NECAB3: variants seen among roughly 807,000 people sequenced by gnomAD.
The protein encoded by NECAB3 is N-terminal EF-hand calcium binding protein 3, also known as N-terminal EF-hand calcium-binding protein 3.
In NECAB3, 38 loss-of-function variants were observed where a neutral mutation model predicts 57.2. That is an observed-to-expected ratio of 0.66 (90% CI 0.51 to 0.87). The LOEUF (loss-of-function observed/expected upper bound fraction) is 0.87. Among genes scored for constraint, NECAB3 ranks in the 40% least tolerant of loss-of-function variants. NECAB3 has a pLI of 0.00. For missense variants in NECAB3, 474 were observed against 527.5 expected (o/e 0.90, Z 0.99); for synonymous variants, 223 against 222.6 (o/e 1.00, Z -0.02).
intron 5 of NECAB3, chr20:33,662,331 G>A: frequency 6.4e-7 from 1 of 1,550,776 alleles, no homozygotes; most frequent in East Asian, 2.4e-5. Context: ...GTCCCCAGTG[G>A]TGACCAGCCC....
chr20:33,660,442 A>G lies in NECAB3; in HGVS notation c.388-47T>C. The G allele has an allele frequency of 6.3e-7, 1 of 1,599,802 alleles. No homozygotes were observed. The highest frequency in any genetic ancestry group is 1.3e-5 in the African/African-American group (1 of 74,848). ...TCAGCATCTCCCAGCCCGGGCACTG[A>G]TCTCTTGAGTGGGTCCCCTGCCTCT... is the stretch of plus-strand genomic sequence containing the variant. On this transcript the variant is annotated intron_variant, in intron 5 of 11. Coordinates refer to ENST00000246190, the MANE Select transcript of NECAB3 (RefSeq NM_031232.4). The surrounding 1 kb of genome is among the most constrained non-coding windows in gnomAD (Gnocchi z 4.1).
rs1423307123 is a variant in NECAB3 at position 33,658,483 on chromosome 20, C to G, written c.1064G>C (p.Trp355Ser). The G allele has an allele frequency of 6.2e-7, 1 of 1,614,004 alleles. No homozygotes were observed. Among genetic ancestry groups the G allele is most frequent in the East Asian group, 2.2e-5 (1 of 44,868 alleles). Reference sequence around the variant, plus strand: ...GCCAGACTGGCACTCATACCTTCTCCAGGAGGCCTCATCCTGCCAGAACTC... The same window carrying G: ...GCCAGACTGGCACTCATACCTTCTCGAGGAGGCCTCATCCTGCCAGAACTC... Reference protein sequence around the residue: ...LYEFWQDEASWRRHQQSPGSK... With the variant: ...LYEFWQDEASSRRHQQSPGSK... The change falls in exon 10 of 12, where the codon TGG becomes TCG. Residue 355 changes from tryptophan (W) to serine (S), a missense_variant. Coordinates refer to ENST00000246190, the MANE Select transcript of NECAB3 (RefSeq NM_031232.4).
rs755298550 is a variant in NECAB3 at position 33,659,751 on chromosome 20, C to T, written c.644-19G>A. ...CTGCGCCCTGTGTGTGGGGCCCGTG[C>T]AGGGTCAGGCAGGGGCCTCTCAGGT... On this transcript the variant is annotated intron_variant, in intron 7 of 11. Transcript: ENST00000246190. 3.8e-6 allele frequency: 6 copies of T among 1,563,060 alleles called. No homozygotes were observed. Among genetic ancestry groups the T allele is most frequent in the Admixed American group, 1.8e-5 (1 of 55,214 alleles).
intron 8 of NECAB3, 110 bp downstream of exon 8, chr20:33,659,387 G>C: frequency 1.1e-6 from 1 of 934,448 alleles, no homozygotes. Context: ...CCTGGGGGCG[G>C]GGCACATGCG....
intron 5 of NECAB3, chr20:33,668,546 A>C: frequency 3.2e-6 from 1 of 313,366 alleles, no homozygotes; most frequent in Non-Finnish European, 6.2e-6. Context: ...AGTTCCTCCA[A>C]ACCCTCGTCA....
rs546674903 is a variant in NECAB3 at position 33,658,848 on chromosome 20, C to T, written c.880-14G>A. 1 of 1,603,130 alleles carries T rather than the reference C, an allele frequency of 6.2e-7. No individual in the cohort carries two copies. Among genetic ancestry groups the T allele is most frequent in the East Asian group, 2.2e-5 (1 of 44,776 alleles). ...CATGAGGATGTGCTGGTGGGAGAGG[C>T]AGCCGGTCAGCTGGTGCGGGGCCGG... is the stretch of plus-strand genomic sequence containing the variant. On this transcript the variant is annotated splice_polypyrimidine_tract_variant and intron_variant, in intron 8 of 11. Coordinates refer to ENST00000246190, the MANE Select transcript of NECAB3 (RefSeq NM_031232.4).
At chr20:33,671,333 T>C (rs2017823811) in intron 2 of NECAB3, among the ~76,000 whole-genome samples, 1 of 152,156 alleles carries the variant, frequency 6.6e-6, no homozygotes, top group African/African-American at 2.4e-5. Context: ...GGAGTACTTA[T>C]GTGGGACAAA....
At chr20:33,658,885 G>T in intron 8 of NECAB3, 51 bp from the exon 9 acceptor site, 1 of 1,384,420 alleles carries the variant, frequency 7.2e-7, no homozygotes, top group Non-Finnish European at 1.0e-6. Context: ...CACAGGGGAG[G>T]GACTGGCTGT....
chr20:33,669,662 AAAG>A, intron 4 of NECAB3, 22 bp downstream of exon 4: 1 of 1,579,792 alleles, frequency 6.3e-7, no homozygotes, highest in Admixed American at 1.9e-5. Context: ...CCACAGGAGA[AAAG>A]AGCTCCCATG....
In NECAB3 at chr20:33,667,718, G is replaced by C. The variant is rs572600554; in HGVS notation, c.387+1657C>G. On this transcript the variant is annotated intron_variant, in intron 5 of 11. Coordinates refer to ENST00000246190, the MANE Select transcript of NECAB3 (RefSeq NM_031232.4). ...GACCTCTTGCAGCAGGCCCTGCCCC[G>C]CAAGGCCATCACACATCTCAAGAAG... 82 of 1,612,062 alleles carry C rather than the reference G, an allele frequency of 5.1e-5. No homozygotes were observed. The Admixed American group carries it at 9.0e-4, about 18-fold the overall frequency.
At chr20:33,662,170 A>G (rs2017496618) in intron 5 of NECAB3, 6 of 781,724 alleles carry the variant, frequency 7.7e-6, no homozygotes, top group Non-Finnish European at 1.2e-5. Flanking sequence ...TTTACAGCTG[A>G]GAAACCAAGG....
intron 10 of NECAB3, 150 bp from the exon 11 acceptor site, chr20:33,658,183 C>A: frequency 1.4e-6 from 1 of 718,844 alleles, no homozygotes; most frequent in Non-Finnish European, 2.3e-6. Flanking sequence ...GAATGAAGGG[C>A]ACTGCACACG....
intron 5 of NECAB3, chr20:33,667,399 T>G: frequency 7.2e-7 from 1 of 1,388,070 alleles, no homozygotes; most frequent in Non-Finnish European, 9.3e-7. Context: ...CCCAGAGCAG[T>G]GGCCCGTGCT....
At chr20:33,668,038 A>T in intron 5 of NECAB3, 1 of 1,550,904 alleles carries the variant, frequency 6.4e-7, no homozygotes, top group Non-Finnish European at 8.7e-7. Context: ...GCGCCTGGAC[A>T]AGGAGCTGGA....
Position 33,672,412 on chromosome 20 carries a change from C to T in NECAB3, c.140G>A (p.Arg47Lys), listed in dbSNP as rs2017846273. ...GCCACACTCACCATTCTTGTCTGCT[C>T]TGCGGAAAACCTAGAGGACAAAGGG... Reference protein sequence around the residue: ...GHTLFQDVFRRADKNDDGKLS... With the variant: ...GHTLFQDVFRKADKNDDGKLS... The change falls in exon 2 of 12, where the codon AGA becomes AAA. Residue 47 changes from arginine (R) to lysine (K), a missense_variant. By Grantham distance (26) the Arg-to-Lys change is conservative (BLOSUM62 2). Coordinates refer to ENST00000246190, the MANE Select transcript of NECAB3 (RefSeq NM_031232.4). 1 of 1,614,202 alleles carries T rather than the reference C, an allele frequency of 6.2e-7. No homozygotes were observed. The highest frequency in any genetic ancestry group is 1.6e-4 in the Middle Eastern group (1 of 6,062).
In NECAB3 at chr20:33,660,231, C is replaced by A; in HGVS notation, c.524+28G>T. 6.2e-7 allele frequency: 1 copy of A among 1,607,994 alleles called. No individual in the cohort carries two copies. The highest frequency in any genetic ancestry group is 1.1e-5 in the South Asian group (1 of 90,952). ...GTACAATGGGCGCTTGTGCACTAGC[C>A]CCACAGGTTGACAGCACCCTTACAT... is the stretch of plus-strand genomic sequence containing the variant. On this transcript the variant is annotated intron_variant, in intron 6 of 11. Transcript: ENST00000246190. The surrounding 1 kb of genome is among the most constrained non-coding windows in gnomAD (Gnocchi z 4.1).
intron 5 of NECAB3, chr20:33,663,548 T>G: frequency 6.2e-7 from 1 of 1,610,664 alleles, no homozygotes; most frequent in Non-Finnish European, 8.5e-7. Context: ...ATCGTGCTGA[T>G]TCTCCCCCTG....
intron 5 of NECAB3, chr20:33,663,761 C>T (rs918334022): frequency 2.7e-6 from 4 of 1,454,866 alleles, no homozygotes; most frequent in Admixed American, 2.6e-5. Context: ...CTGAGCTGGC[C>T]GCGGCTGCTC....
At chr20:33,659,757 C>T (rs752888593) in intron 7 of NECAB3, 25 bp from the exon 8 acceptor site, 1 of 1,561,530 alleles carries the variant, frequency 6.4e-7, no homozygotes, top group East Asian at 2.4e-5. Context: ...CGTGCAGGGT[C>T]AGGCAGGGGC....
Sources: allele counts gnomAD v4.1 joint callset (sites outside exome capture counted in the v4.1 genomes callset), GRCh38; gene constraint gnomAD v4.1.1; non-coding constraint Gnocchi (gnomAD v3.1); transcripts MANE v1.5; gene names NCBI Gene and HGNC (gene_info 2026-07-23, HGNC 2026-07-21).